Variants in CLK4 observed in about 807,000 individuals in gnomAD.
CLK4 encodes the protein CDC like kinase 4, also known as dual specificity protein kinase CLK4.
In CLK4, 37 loss-of-function variants were observed where a neutral mutation model predicts 64.4. That is an observed-to-expected ratio of 0.57 (90% CI 0.44 to 0.76). The LOEUF (loss-of-function observed/expected upper bound fraction) is 0.76, where lower values mean the gene tolerates loss of function less well. CLK4 is among the 30% of genes least tolerant of loss of function. The pLI is 0.00. For missense variants in CLK4, 457 were observed against 605.1 expected, an observed-to-expected ratio of 0.76 and a Z score of 2.57; for synonymous variants, 175 against 191.6, an observed-to-expected ratio of 0.91 and a Z score of 0.72.
Position 178,612,823 on chromosome 5 carries a change from G to A in CLK4, c.894C>T (p.Asp298=). The A allele has an allele frequency of 6.4e-7, 1 of 1,573,374 alleles. No homozygotes were observed. The stretch of plus-strand genomic sequence containing the variant: ...TTTTAGAATTATATTTGACTACATA[G>A]TCAGACTTCACAAACAAAATATTTT... The part of the protein sequence containing the change: ...KPENILFVKS[D]YVVKYNSKMK... Residue 298 remains aspartate, a synonymous_variant, in exon 8 of 13, where the codon GAC becomes GAT. Coordinates refer to ENST00000316308, the MANE Select transcript of CLK4 (RefSeq NM_020666.3).
At chr5:178,609,359 C>G (rs1764519172) in intron 9 of CLK4, among the ~76,000 whole-genome samples, 2 of 152,154 alleles carry the variant, frequency 1.3e-5, no homozygotes, top group South Asian at 4.1e-4. Flanking sequence ...ACCATCCGCT[C>G]CAGTGTCTGT....
chr5:178,613,697 T>C (rs1462995916), intron 6 of CLK4, 30 bp downstream of exon 6: 1 of 1,607,018 alleles, frequency 6.2e-7, no homozygotes, highest in East Asian at 2.2e-5. Context: ...TCATGTAATA[T>C]GATGGCTCCT....
rs778831713 is a variant in CLK4, at chr5:178,618,647, C to T, written c.293G>A (p.Arg98Gln). ...HYHRDIESGY[R>Q]IHCSKSSVRS... ...GACTGAAGATTTACTGCAGTGGATT[C>T]GATACCCGCTTTCAATGTCTCTGTG... The change falls in exon 3 of 13, where the codon CGA becomes CAA. Residue 98 changes from arginine (R) to glutamine (Q), a missense_variant. By Grantham distance (43) the Arg-to-Gln change is conservative. Coordinates refer to ENST00000316308, the MANE Select transcript of CLK4 (RefSeq NM_020666.3). The T allele has an allele frequency of 6.2e-6, 10 of 1,613,826 alleles. No homozygotes were observed. In the Admixed American group the frequency reaches 6.7e-5, roughly 11 times the overall value.
At chr5:178,609,316 G>A (rs889632983) in intron 9 of CLK4, among the ~76,000 whole-genome samples, 4 of 152,184 alleles carry the variant, frequency 2.6e-5, no homozygotes, top group Non-Finnish European at 5.9e-5. Context: ...ATATATTCAA[G>A]TCAATATATA....
At chr5:178,619,962 G>A in intron 2 of CLK4, 1 of 459,966 alleles carries the variant, frequency 2.2e-6, no homozygotes, top group South Asian at 1.5e-5. Context: ...ACAAGCAATG[G>A]AGTGACGGAT....
chr5:178,626,574 T>C (rs1764782947), intron 1 of CLK4, among the ~76,000 whole-genome samples: 2 of 152,168 alleles, frequency 1.3e-5, no homozygotes, highest in Admixed American at 1.3e-4. Context: ...GAAGACTTGA[T>C]CTCCGACAAC....
chr5:178,604,595 C>T (rs529718466), intron 11 of CLK4: 1 of 152,222 alleles, frequency 6.6e-6, no homozygotes, highest in East Asian at 1.9e-4. Context: ...CACCTCAGAT[C>T]ATCAGGCATT....
chr5:178,618,434 C>T (rs550700267), intron 3 of CLK4, 122 bp downstream of exon 3: 16 of 314,658 alleles, frequency 5.1e-5, no homozygotes, highest in Non-Finnish European at 7.5e-5. Flanking sequence ...AATATAAATA[C>T]AATTATAATA....
In CLK4 at chr5:178,603,461, A is replaced by C. The variant is rs1764415311; in HGVS notation, c.*156T>G. 1 of 470,968 alleles carries C rather than the reference A, an allele frequency of 2.1e-6. No individual in the cohort carries two copies. The highest frequency in any genetic ancestry group is 4.0e-5 in the Admixed American group (1 of 24,842). The allele number at this position is 470,968 out of a possible 1,614,324, so 29.2% of individuals were successfully genotyped here. ...ATTATCAAGACCATACTTGCTTAAC[A>C]AGTTAATTATGCTATTGATACAAAA... On this transcript the variant is annotated 3_prime_UTR_variant, in exon 13 of 13. Coordinates refer to ENST00000316308, the MANE Select transcript of CLK4 (RefSeq NM_020666.3).
chr5:178,616,963 GA>G lies in CLK4; in HGVS notation c.476-16del. ...CACGATTTCATCTAGAGTGAGGAGGGAAAAAGAGGTGTAAGTACCTGAGTAC... is the reference window on the plus strand; with the variant it reads ...CACGATTTCATCTAGAGTGAGGAGGGAAAAGAGGTGTAAGTACCTGAGTAC... On this transcript the variant is annotated splice_polypyrimidine_tract_variant and intron_variant, in intron 4 of 12. Coordinates refer to ENST00000316308, the MANE Select transcript of CLK4 (RefSeq NM_020666.3). 3.1e-6 allele frequency: 5 copies of G among 1,595,282 alleles called. No individual in the cohort carries two copies. Among genetic ancestry groups the G allele is most frequent in the South Asian group, 1.1e-5 (1 of 90,482 alleles).
intron 10 of CLK4, chr5:178,605,926 A>G (rs1487597702): frequency 6.6e-6 from 1 of 152,214 alleles, no homozygotes; most frequent in Non-Finnish European, 1.5e-5. Context: ...TCCCTATTGC[A>G]TACTCTTCTT....
rs1369210440 is a variant in CLK4 at position 178,613,522 on chromosome 5, T to C, written c.777A>G (p.Gln259=). 3 of 1,611,540 alleles carry C rather than the reference T, an allele frequency of 1.9e-6. No homozygotes were observed. Among genetic ancestry groups the C allele is most frequent in the Non-Finnish European group, 2.5e-6 (3 of 1,179,146 alleles). ...FIKENSFLPF[Q]IDHIRQMAYQ... is the part of the protein sequence containing the mutation. The stretch of plus-strand genomic sequence containing the variant: ...ACGCCATCTGCCTGATGTGGTCAAT[T>C]TGAAATGGCAGAAAGCTGTTTTCTT... Residue 259 remains glutamine (Q), a synonymous_variant, in exon 7 of 13, where the codon CAA becomes CAG. Transcript: ENST00000316308.
At chr5:178,609,479 G>C (rs747169700) in intron 9 of CLK4, among the ~76,000 whole-genome samples, 5 of 151,876 alleles carry the variant, frequency 3.3e-5, no homozygotes, top group African/African-American at 9.7e-5. Context: ...TTGGCAGTTC[G>C]AGACCAGTCT....
At chr5:178,618,822 C>T in intron 2 of CLK4, 44 bp from the exon 3 acceptor site, 4 of 1,489,018 alleles carry the variant, frequency 2.7e-6, no homozygotes, top group Non-Finnish European at 3.7e-6. Flanking sequence ...CTTCATTCTG[C>T]AATAATGTGG....
intron 2 of CLK4, among the ~76,000 whole-genome samples, chr5:178,619,161 A>G (rs1764670261): frequency 6.6e-6 from 1 of 152,218 alleles, no homozygotes; most frequent in Non-Finnish European, 1.5e-5. Context: ...GTAATGTAAG[A>G]GCATTTTAGA....
intron 1 of CLK4, among the ~76,000 whole-genome samples, chr5:178,625,121 C>T (rs1462555842): frequency 6.6e-6 from 1 of 152,164 alleles, no homozygotes. Context: ...ACATGAATAA[C>T]AGCACACATT....
intron 1 of CLK4, among the ~76,000 whole-genome samples, chr5:178,623,719 T>C (rs1003800863): frequency 2.6e-5 from 4 of 151,928 alleles, no homozygotes; most frequent in African/African-American, 9.7e-5. Flanking sequence ...ACTTGCTAAC[T>C]GCCTTTTTAA....
chr5:178,608,204 C>G (rs919607210), intron 10 of CLK4, among the ~76,000 whole-genome samples, 172 bp downstream of exon 10: 1 of 152,186 alleles, frequency 6.6e-6, no homozygotes, highest in South Asian at 2.1e-4. Context: ...ATCACTCACT[C>G]ATAGTAATAT....
intron 10 of CLK4, 147 bp from the exon 11 acceptor site, chr5:178,605,529 TCTC>T (rs568060433): frequency 1.0e-5 from 5 of 490,844 alleles, no homozygotes; most frequent in South Asian, 3.4e-5. Context: ...AGAAAAACTG[TCTC>T]CTCATTTAAT....
Sources: allele counts gnomAD v4.1 joint callset (sites outside exome capture counted in the v4.1 genomes callset), GRCh38; gene constraint gnomAD v4.1.1; transcripts MANE v1.5; gene names NCBI Gene and HGNC (gene_info 2026-07-23, HGNC 2026-07-21).